PLCG2: variants seen among roughly 807,000 people sequenced by gnomAD.
PLCG2 encodes the protein phospholipase C gamma 2.
A neutral mutation model predicts 175.6 loss-of-function variants in PLCG2; 69 were observed. That is an observed-to-expected ratio of 0.39 (90% confidence interval 0.32 to 0.48). PLCG2 has a LOEUF of 0.48. Ranked by LOEUF, PLCG2 falls within the 20% of genes least tolerant of loss-of-function variation. PLCG2 has a pLI of 0.91. For missense variants in PLCG2, 1,798 were observed against 1,650.9 expected (o/e 1.09, Z -1.54); for synonymous variants, 827 against 624.0 (o/e 1.33, Z -4.85).
intron 1 of PLCG2, among the ~76,000 whole-genome samples, chr16:81,753,464 G>C: frequency 6.9e-6 from 1 of 145,872 alleles, no homozygotes; most frequent in Non-Finnish European, 1.5e-5. Flanking sequence ...TGTTGCCCAA[G>C]CTGGAGTGCA....
At chr16:81,936,464 A>T in intron 27 of PLCG2, 86 bp downstream of exon 27, 2 of 1,030,262 alleles carry the variant, frequency 1.9e-6, no homozygotes, top group Non-Finnish European at 3.0e-6. Flanking sequence ...CAGCGATACC[A>T]TGTGGTGTCC....
At chr16:81,835,901 T>C (rs574463878) in intron 2 of PLCG2, among the ~76,000 whole-genome samples, 1 of 152,234 alleles carries the variant, frequency 6.6e-6, no homozygotes, top group East Asian at 1.9e-4. Flanking sequence ...TCTGAGTGTG[T>C]CTCTGTCCAA....
chr16:81,874,948 G>GTTTTTTT (rs770994063), intron 7 of PLCG2, among the ~76,000 whole-genome samples: 42 of 40,752 alleles, frequency 1.0e-3, no homozygotes, highest in African/African-American at 1.3e-3. Flanking sequence ...TATCCTATGT[G>GTTTTTTT]TTTTTTTTTT....
intron 2 of PLCG2, among the ~76,000 whole-genome samples, chr16:81,797,486 C>G (rs188080160): frequency 6.6e-6 from 1 of 152,182 alleles, no homozygotes; most frequent in African/African-American, 2.4e-5. Context: ...GCCAGGCCTT[C>G]GGTAGTCCTG....
chr16:81,936,835 A>T (rs1910735379), intron 27 of PLCG2, among the ~76,000 whole-genome samples: 1 of 152,046 alleles, frequency 6.6e-6, no homozygotes, highest in Admixed American at 6.6e-5. Context: ...GTTATTTAAG[A>T]CCTCTTTCGA....
intron 30 of PLCG2, among the ~76,000 whole-genome samples, chr16:81,945,021 A>G (rs1911096995): frequency 1.3e-5 from 2 of 152,198 alleles, no homozygotes; most frequent in Non-Finnish European, 1.5e-5. Flanking sequence ...TACAAAATGG[A>G]ATGCAAATAT....
chr16:81,821,541 T>A (rs773601959), intron 2 of PLCG2, among the ~76,000 whole-genome samples: 47 of 152,310 alleles, frequency 3.1e-4, no homozygotes, highest in Non-Finnish European at 5.4e-4. Flanking sequence ...GTTTTCCTTT[T>A]GAGGTGGGTC....
chr16:81,960,710 G>T lies in PLCG2; in HGVS notation c.*2712G>T. 4.4e-6 allele frequency: 1 copy of T among 229,378 alleles called. No homozygotes were observed. 14.2% of individuals were successfully genotyped at this position (229,378 alleles called of 1,614,324 possible). On this transcript the variant is annotated 3_prime_UTR_variant, in exon 33 of 33. Transcript: ENST00000564138. ...TACTGCTCTATTAAGAAGGCAGCCGGACAACATGTTCTAATACTTCGTATG... is the reference window on the plus strand; with the variant it reads ...TACTGCTCTATTAAGAAGGCAGCCGTACAACATGTTCTAATACTTCGTATG...
chr16:81,869,340 G>C, intron 6 of PLCG2, 42 bp downstream of exon 6: 1 of 1,388,542 alleles, frequency 7.2e-7, no homozygotes, highest in Non-Finnish European at 1.0e-6. Context: ...TGAATGCGGA[G>C]TGACTTAGCC....
intron 18 of PLCG2, 140 bp downstream of exon 18, chr16:81,910,860 G>C: frequency 1.3e-6 from 1 of 757,274 alleles, no homozygotes; most frequent in South Asian, 1.6e-5. Context: ...AAATTGCCGA[G>C]GTGGCCAGTT....
chr16:81,892,364 G>T (rs978023896), intron 11 of PLCG2, among the ~76,000 whole-genome samples: 1 of 152,202 alleles, frequency 6.6e-6, no homozygotes, highest in Non-Finnish European at 1.5e-5. Flanking sequence ...ACAGGATGTT[G>T]CGCTGATGTT....
intron 9 of PLCG2, among the ~76,000 whole-genome samples, chr16:81,888,367 C>T (rs370566733): frequency 2.0e-4 from 30 of 147,998 alleles, no homozygotes; most frequent in African/African-American, 6.1e-4. Flanking sequence ...CCTGCCACCA[C>T]GCCAAGCTGA....
At chr16:81,951,891 T>C (rs183316385) in intron 31 of PLCG2, among the ~76,000 whole-genome samples, 1 of 152,330 alleles carries the variant, frequency 6.6e-6, no homozygotes, top group Admixed American at 6.5e-5. Context: ...CTCTATTGTA[T>C]ACAAATTTAA....
chr16:81,747,410 C>T (rs1909726427), intron 1 of PLCG2, among the ~76,000 whole-genome samples: 1 of 152,126 alleles, frequency 6.6e-6, no homozygotes, highest in Non-Finnish European at 1.5e-5. Context: ...TGGTGGGTGC[C>T]TGTAGTCCCA....
chr16:81,766,990 A>G (rs1374775031), intron 2 of PLCG2: 1 of 152,124 alleles, frequency 6.6e-6, no homozygotes, highest in African/African-American at 2.4e-5. Flanking sequence ...TGCCTTAACA[A>G]GTGTCAAGGA....
chr16:81,880,927 A>G lies in PLCG2; in HGVS notation c.666A>G (p.Lys222=), dbSNP rs1427948230. ...CATTTCAGATTCTCGATGAATTCAA[A>G]AAGGATTCGTCCGTGTTCATCCTGG... ...EQQKSILDEF[K]KDSSVFILGN... Residue 222 remains lysine, a synonymous_variant, in exon 8 of 33, where the codon AAA becomes AAG. Transcript: ENST00000564138. 3.1e-6 allele frequency: 5 copies of G among 1,614,202 alleles called. No homozygotes were observed. The highest frequency in any genetic ancestry group is 1.6e-4 in the Middle Eastern group (1 of 6,062).
chr16:81,868,071 G>A (rs1335532830), intron 5 of PLCG2, among the ~76,000 whole-genome samples: 9 of 152,154 alleles, frequency 5.9e-5, no homozygotes, highest in South Asian at 2.1e-4. Context: ...TCCTGTGACC[G>A]AGCACTGGAA....
At chr16:81,761,331 C>T (rs1243333916) in intron 2 of PLCG2, among the ~76,000 whole-genome samples, 2 of 152,168 alleles carry the variant, frequency 1.3e-5, no homozygotes, top group East Asian at 3.8e-4. Context: ...AGCCGCTACA[C>T]TCCAGCCTGG....
intron 1 of PLCG2, chr16:81,740,315 G>C (rs916473122): frequency 6.6e-5 from 10 of 152,210 alleles, no homozygotes; most frequent in African/African-American, 2.4e-4. Context: ...CTCCCCTACA[G>C]AGTATGTGAC....
Sources: allele counts gnomAD v4.1 joint callset (sites outside exome capture counted in the v4.1 genomes callset), GRCh38; gene constraint gnomAD v4.1.1; transcripts MANE v1.5; gene names NCBI Gene and HGNC (gene_info 2026-07-23, HGNC 2026-07-21).